TEX26: variants seen among roughly 807,000 people sequenced by gnomAD.
TEX26 encodes the protein testis expressed 26, also known as testis-expressed protein 26.
Under a neutral mutation model 35.3 loss-of-function variants are expected in TEX26, and 34 were observed. That is an observed-to-expected ratio of 0.96 (90% confidence interval 0.73 to 1.28). TEX26 has a LOEUF of 1.28. Ranked by LOEUF, TEX26 falls within the 50% of genes most tolerant of loss-of-function variation. The pLI is 0.00. For synonymous variants in TEX26, 136 were observed against 111.8 expected (o/e 1.22, Z -1.36); for missense variants, 371 against 330.1 (o/e 1.12, Z -0.96).
intron 4 of TEX26, among the ~76,000 whole-genome samples, chr13:30,958,975 G>A (rs925392013): frequency 1.3e-5 from 2 of 152,134 alleles, no homozygotes; most frequent in Non-Finnish European, 2.9e-5. Flanking sequence ...CAATCAAAGA[G>A]GGGGATCTAA....
intron 5 of TEX26, among the ~76,000 whole-genome samples, chr13:30,966,875 C>A (rs1004134134): frequency 6.6e-6 from 1 of 152,180 alleles, no homozygotes; most frequent in Non-Finnish European, 1.5e-5. Flanking sequence ...GAAATCAGAA[C>A]CTTGTCGCTG....
chr13:30,950,435 T>G (rs1264903842), intron 2 of TEX26, among the ~76,000 whole-genome samples: 3 of 152,162 alleles, frequency 2.0e-5, no homozygotes, highest in Non-Finnish European at 4.4e-5. Context: ...ATGACCAATC[T>G]GTGCTGCTTC....
At chr13:30,969,856 A>T (rs1236316788) in intron 6 of TEX26, among the ~76,000 whole-genome samples, 1 of 144,974 alleles carries the variant, frequency 6.9e-6, no homozygotes, top group Admixed American at 6.6e-5. Flanking sequence ...ATATCAATAA[A>T]AGTCTAATAT....
At chr13:30,956,376 T>A (rs566091018) in intron 3 of TEX26, among the ~76,000 whole-genome samples, 1 of 152,046 alleles carries the variant, frequency 6.6e-6, no homozygotes, top group African/African-American at 2.4e-5. Context: ...TAGTATTCCA[T>A]GGTGTATATG....
At chr13:30,967,223 G>A (rs920848391) in intron 5 of TEX26, among the ~76,000 whole-genome samples, 7 of 152,172 alleles carry the variant, frequency 4.6e-5, no homozygotes, top group Non-Finnish European at 1.0e-4. Context: ...CTGGCATGGG[G>A]TTGGGATCAA....
chr13:30,941,104 C>T (rs1953489569), intron 2 of TEX26, among the ~76,000 whole-genome samples: 1 of 152,168 alleles, frequency 6.6e-6, no homozygotes, highest in Non-Finnish European at 1.5e-5. Context: ...CCATCTGGGG[C>T]TCAGTTTTGT....
chr13:30,936,276 A>T (rs574858376), intron 1 of TEX26, among the ~76,000 whole-genome samples: 1 of 152,220 alleles, frequency 6.6e-6, no homozygotes, highest in African/African-American at 2.4e-5. Flanking sequence ...CCTAATGGTG[A>T]ACACATCCAG....
At chr13:30,966,097 A>G (rs1954515480) in intron 4 of TEX26, 125 bp from the exon 5 acceptor site, 1 of 964,762 alleles carries the variant, frequency 1.0e-6, no homozygotes. Flanking sequence ...CAAAGCAGAA[A>G]ATTATTTCTC....
intron 1 of TEX26, 45 bp downstream of exon 1, chr13:30,932,821 T>G (rs759764948): frequency 1.3e-6 from 2 of 1,598,510 alleles, no homozygotes; most frequent in Non-Finnish European, 8.5e-7. Context: ...GGCTGGGGTC[T>G]TTCCCGGGGA....
intron 4 of TEX26, among the ~76,000 whole-genome samples, chr13:30,960,399 C>T (rs747251281): frequency 3.3e-5 from 5 of 152,078 alleles, no homozygotes; most frequent in Non-Finnish European, 5.9e-5. Context: ...TGCACCACCA[C>T]GTCCGGCTAA....
chr13:30,974,131 A>AAAATATATATATATATATATAT, intron 6 of TEX26, among the ~76,000 whole-genome samples: 87 of 84,376 alleles, frequency 1.0e-3, no homozygotes, highest in Non-Finnish European at 1.3e-3. Flanking sequence ...AAAAAAAAAA[A>AAAATATATATATATATATATAT]ATATATATAT....
At chr13:30,954,786 A>G (rs906478441) in intron 3 of TEX26, among the ~76,000 whole-genome samples, 1 of 152,184 alleles carries the variant, frequency 6.6e-6, no homozygotes, top group Non-Finnish European at 1.5e-5. Context: ...TTAATGTAGA[A>G]GAGTTGATTA....
intron 3 of TEX26, among the ~76,000 whole-genome samples, chr13:30,955,554 A>G (rs1299983581): frequency 2.0e-5 from 3 of 152,262 alleles, no homozygotes; most frequent in Non-Finnish European, 2.9e-5. Context: ...GACAGCGAGT[A>G]TACCTAACTA....
chr13:30,952,567 A>G, intron 2 of TEX26, 93 bp from the exon 3 acceptor site: 2 of 1,101,632 alleles, frequency 1.8e-6, no homozygotes, highest in Non-Finnish European at 2.5e-6. Context: ...AATCTTTTTA[A>G]AAAATGTAAT....
At chr13:30,942,446 A>AGTCC (rs1953549236) in intron 2 of TEX26, among the ~76,000 whole-genome samples, 1 of 151,404 alleles carries the variant, frequency 6.6e-6, no homozygotes, top group Non-Finnish European at 1.5e-5. Context: ...GTTTGCAAAT[A>AGTCC]TTTTTCTCCT....
At chr13:30,944,185 G>A (rs553894216) in intron 2 of TEX26, among the ~76,000 whole-genome samples, 2 of 151,966 alleles carry the variant, frequency 1.3e-5, no homozygotes, top group South Asian at 2.1e-4. Context: ...TTTAATCTAG[G>A]AGGCTTGTGT....
chr13:30,956,776 A>C (rs1379258674), intron 3 of TEX26, 97 bp from the exon 4 acceptor site: 1 of 1,150,540 alleles, frequency 8.7e-7, no homozygotes, highest in Non-Finnish European at 1.2e-6. Context: ...CTGGTTGTAA[A>C]GGATTCTGAA....
In TEX26 at chr13:30,966,306, A is replaced by G; in HGVS notation, c.554A>G (p.Asn185Ser). Residue 185 changes from asparagine (N) to serine (S), a missense_variant, in exon 5 of 7, where the codon AAT (asparagine) becomes AGT (serine). Transcript: ENST00000380473. Reference sequence around the variant, plus strand: ...CCTCCAGACACTGAATTCCGAAGGAATTACCAAATTCCAGCTAAAATTCCT... The same window carrying G: ...CCTCCAGACACTGAATTCCGAAGGAGTTACCAAATTCCAGCTAAAATTCCT... ...PQPPDTEFRR[N>S]YQIPAKIPEL... 6.2e-7 allele frequency: 1 copy of G among 1,614,184 alleles called. No homozygotes were observed. Among genetic ancestry groups the G allele is most frequent in the Non-Finnish European group, 8.5e-7 (1 of 1,180,022 alleles).
chr13:30,953,683 C>G (rs1954014868), intron 3 of TEX26, among the ~76,000 whole-genome samples: 1 of 152,222 alleles, frequency 6.6e-6, no homozygotes, highest in Non-Finnish European at 1.5e-5. Context: ...TCCTATATTT[C>G]TTCAAGACTC....
Sources: allele counts gnomAD v4.1 joint callset (sites outside exome capture counted in the v4.1 genomes callset), GRCh38; gene constraint gnomAD v4.1.1; transcripts MANE v1.5; gene names NCBI Gene and HGNC (gene_info 2026-07-23, HGNC 2026-07-21).